FOCAD: variants seen among roughly 807,000 people sequenced by gnomAD.
The protein encoded by FOCAD is KIAA1797.
FOCAD carries 198 observed loss-of-function variants against 225.6 expected under a neutral mutation model. That is an observed-to-expected ratio of 0.88 (90% CI 0.78 to 0.99). The LOEUF (loss-of-function observed/expected upper bound fraction) is 0.99. FOCAD is among the 50% of genes least tolerant of loss of function. The pLI, the probability that FOCAD is intolerant of heterozygous loss-of-function variation, is 0.00. For synonymous variants in FOCAD, 897 were observed against 755.0 expected (o/e 1.19, Z -3.08); for missense variants, 2,713 against 2,123.6 (o/e 1.28, Z -5.46).
At chr9:20,914,356 T>C (rs1372057012) in intron 23 of FOCAD, among the ~76,000 whole-genome samples, 1 of 151,902 alleles carries the variant, frequency 6.6e-6, no homozygotes, top group Non-Finnish European at 1.5e-5. Context: ...AAACCTGTAA[T>C]AAACAAATAA....
At chr9:20,951,212 C>T in intron 34 of FOCAD, 114 bp downstream of exon 34, 3 of 768,062 alleles carry the variant, frequency 3.9e-6, no homozygotes, top group Non-Finnish European at 6.6e-6. Context: ...TGGGTATTAC[C>T]ATCTCTGTTT....
At chr9:20,849,317 G>A (rs914156299) in intron 15 of FOCAD, among the ~76,000 whole-genome samples, 9 of 150,624 alleles carry the variant, frequency 6.0e-5, no homozygotes, top group Non-Finnish European at 8.9e-5. Flanking sequence ...GACTCTTTTG[G>A]AAATCAACCA....
At position 20,948,238 on chromosome 9, in the gene FOCAD, T is replaced by C. The variant is rs754664221; in HGVS notation, c.3676-33T>C. On this transcript the variant is annotated intron_variant, in intron 30 of 43. Coordinates refer to ENST00000338382, the MANE Select transcript of FOCAD (RefSeq NM_001375567.1). ...CTAAATCTGTGTCTTTTTTTTTTCT[T>C]TTTCTTACCCCATTTTTATTTATTT... 3.5e-5 allele frequency: 55 copies of C among 1,557,376 alleles called. No individual in the cohort carries two copies. The African/African-American group carries it at 4.2e-4, about 12-fold the overall frequency.
intron 39 of FOCAD, among the ~76,000 whole-genome samples, chr9:20,985,543 A>G (rs1425815909): frequency 6.6e-6 from 1 of 152,220 alleles, no homozygotes; most frequent in Non-Finnish European, 1.5e-5. Flanking sequence ...TTGAATAACC[A>G]TAGTTTTTCC....
chr9:20,682,895 TGAGTA>T (rs1434711613), upstream of FOCAD, among the ~76,000 whole-genome samples: 7 of 152,104 alleles, frequency 4.6e-5, no homozygotes, highest in Admixed American at 6.6e-5. Context: ...CTCAGCCTCC[TGAGTA>T]GAGTAGCCGT....
At chr9:20,731,375 G>T (rs1001025529) in intron 4 of FOCAD, among the ~76,000 whole-genome samples, 2 of 152,134 alleles carry the variant, frequency 1.3e-5, no homozygotes, top group African/African-American at 4.8e-5. Flanking sequence ...TATCCTATTT[G>T]CTAAATGTGT....
At chr9:20,950,660 C>A (rs1364714072) in intron 33 of FOCAD, among the ~76,000 whole-genome samples, 1 of 152,104 alleles carries the variant, frequency 6.6e-6, no homozygotes, top group African/African-American at 2.4e-5. Context: ...GTAACTGTCA[C>A]CCCTTTTGTA....
intron 21 of FOCAD, among the ~76,000 whole-genome samples, chr9:20,896,535 T>C (rs1298444712): frequency 6.6e-6 from 1 of 151,904 alleles, no homozygotes; most frequent in Non-Finnish European, 1.5e-5. Flanking sequence ...TTCAATTTCT[T>C]TAATAGATAC....
intron 19 of FOCAD, among the ~76,000 whole-genome samples, chr9:20,877,773 G>A (rs1830347352): frequency 6.6e-6 from 1 of 152,118 alleles, no homozygotes. Context: ...AGCCGGGCAT[G>A]GTGGCAGACA....
chr9:20,790,472 T>A (rs753829239), intron 11 of FOCAD, among the ~76,000 whole-genome samples: 5 of 152,202 alleles, frequency 3.3e-5, no homozygotes, highest in Non-Finnish European at 5.9e-5. Context: ...CAAATGTGTT[T>A]ATCTGAGATA....
At chr9:20,667,066 C>A (rs1821920082) in intron 2 of FOCAD, among the ~76,000 whole-genome samples, 1 of 152,208 alleles carries the variant, frequency 6.6e-6, no homozygotes, top group African/African-American at 2.4e-5. Context: ...GCAAATTTCA[C>A]AGTTTCCTCC....
At chr9:20,922,979 C>G (rs1834591491) in intron 24 of FOCAD, among the ~76,000 whole-genome samples, 1 of 152,128 alleles carries the variant, frequency 6.6e-6, no homozygotes, top group Non-Finnish European at 1.5e-5. Context: ...GAGTTTATTG[C>G]TGATATTAGA....
chr9:20,970,918 T>A (rs946258294), intron 35 of FOCAD, among the ~76,000 whole-genome samples: 1 of 152,228 alleles, frequency 6.6e-6, no homozygotes, highest in African/African-American at 2.4e-5. Flanking sequence ...TAAGCAATAA[T>A]CACCACCATC....
chr9:20,815,634 G>C (rs1823652236), intron 11 of FOCAD, among the ~76,000 whole-genome samples: 1 of 151,826 alleles, frequency 6.6e-6, no homozygotes, highest in Non-Finnish European at 1.5e-5. Flanking sequence ...ACAGTCCCAT[G>C]ATTATAAATT....
At chr9:20,723,675 A>T (rs1029458513) in intron 4 of FOCAD, among the ~76,000 whole-genome samples, 6 of 152,358 alleles carry the variant, frequency 3.9e-5, no homozygotes, top group African/African-American at 1.4e-4. Flanking sequence ...GTGTATTTAC[A>T]TGTATATTTT....
At chr9:20,755,693 A>T (rs1027052287) in intron 5 of FOCAD, among the ~76,000 whole-genome samples, 1 of 152,210 alleles carries the variant, frequency 6.6e-6, no homozygotes, top group South Asian at 2.1e-4. Context: ...AGATTAATGG[A>T]TGATTATATC....
Position 20,949,677 on chromosome 9 carries a change from T to A in FOCAD, c.3948+2T>A. ...GAAGTCATTAGAACCTTAACTCAGG[T>A]GAGAAAATGAATTTAAAATCCTTGG... On this transcript the variant is annotated splice_donor_variant, in intron 33 of 43. Coordinates refer to ENST00000338382, the MANE Select transcript of FOCAD (RefSeq NM_001375567.1). LOFTEE classifies it high-confidence loss of function. 1.2e-6 allele frequency: 2 copies of A among 1,610,362 alleles called. No homozygotes were observed. Among genetic ancestry groups the A allele is most frequent in the African/African-American group, 1.3e-5 (1 of 74,942 alleles).
chr9:20,674,335 A>C (rs1433152776), intron 2 of FOCAD, among the ~76,000 whole-genome samples: 1 of 152,278 alleles, frequency 6.6e-6, no homozygotes, highest in East Asian at 1.9e-4. Flanking sequence ...ACCTCTTCCC[A>C]ACTCCATATG....
chr9:20,909,323 A>AGCTT (rs1833243502), intron 22 of FOCAD, among the ~76,000 whole-genome samples: 1 of 152,076 alleles, frequency 6.6e-6, no homozygotes, highest in Non-Finnish European at 1.5e-5. Context: ...CAAAGCAAAC[A>AGCTT]GCTCAGGAAC....
Sources: gnomAD v4.1 joint callset for allele counts (sites outside exome capture counted in the v4.1 genomes callset) on GRCh38, gnomAD v4.1.1 for gene constraint, MANE v1.5 for transcripts, NCBI Gene and HGNC (gene_info 2026-07-23, HGNC 2026-07-21) for gene names.